ERBB4: variants seen among roughly 807,000 people sequenced by gnomAD.
ERBB4 encodes receptor tyrosine-protein kinase erbB-4.
Under a neutral mutation model 158.0 loss-of-function variants are expected in ERBB4, and 42 were observed. The ratio of observed to expected loss-of-function variants is 0.27; its 90% CI spans 0.21 to 0.34. The LOEUF (loss-of-function observed/expected upper bound fraction) is 0.34. Among genes scored for constraint, ERBB4 ranks in the 10% least tolerant of loss-of-function variants. The probability of loss-of-function intolerance (pLI) is 1.00; values close to 1 mark genes in which losing one functional copy is unlikely to be tolerated. For synonymous variants in ERBB4, 583 were observed against 558.7 expected, an observed-to-expected ratio of 1.04 and a Z score of -0.61; for missense variants, 1,333 against 1,624.1, an observed-to-expected ratio of 0.82 and a Z score of 3.08.
rs1009174172 is a variant in ERBB4, at chr2:211,468,484, C to T, written c.2488-37384G>A. On this transcript the variant is annotated intron_variant, in intron 20 of 27. Coordinates refer to ENST00000342788, the MANE Select transcript of ERBB4 (RefSeq NM_005235.3). ...AGGGCTGTTTGATAGAGAACAGCACCGTGCTTATAGGAAACCTATATAAAA... is the reference window on the plus strand; with the variant it reads ...AGGGCTGTTTGATAGAGAACAGCACTGTGCTTATAGGAAACCTATATAAAA... 3.9e-5 allele frequency among the ~76,000 whole-genome samples: 6 copies of T among 151,964 alleles called. No homozygotes were observed. In the East Asian group the frequency reaches 5.8e-4, roughly 15 times the overall value.
intron 1 of ERBB4, among the ~76,000 whole-genome samples, chr2:212,254,612 C>T (rs914893089): frequency 2.8e-4 from 42 of 152,050 alleles, no homozygotes; most frequent in African/African-American, 9.7e-4. Context: ...ACACCATTCC[C>T]CACGAATCCG....
intron 4 of ERBB4, among the ~76,000 whole-genome samples, chr2:211,765,975 G>C (rs2075540927): frequency 6.6e-6 from 1 of 152,150 alleles, no homozygotes; most frequent in Non-Finnish European, 1.5e-5. Context: ...AGCACAGAAA[G>C]GTAGGAGAAT....
intron 3 of ERBB4, among the ~76,000 whole-genome samples, chr2:211,836,728 T>A (rs1464650994): frequency 6.6e-6 from 1 of 152,036 alleles, no homozygotes; most frequent in Non-Finnish European, 1.5e-5. Flanking sequence ...CAGTTTCAGG[T>A]CTGCTGTGTT....
chr2:211,630,622 AT>A (rs772558885), intron 16 of ERBB4, 28 bp from the exon 17 acceptor site: 3 of 1,586,104 alleles, frequency 1.9e-6, no homozygotes, highest in Non-Finnish European at 2.6e-6. Flanking sequence ...AAAAAAAAAA[AT>A]AAAAAGTATG....
chr2:211,649,599 T>C (rs1341587335), intron 16 of ERBB4, among the ~76,000 whole-genome samples: 1 of 152,000 alleles, frequency 6.6e-6, no homozygotes, highest in Non-Finnish European at 1.5e-5. Context: ...ATGGTGTTTT[T>C]CCCTCAACAA....
intron 1 of ERBB4, among the ~76,000 whole-genome samples, chr2:212,227,824 T>C (rs1043199358): frequency 7.0e-6 from 1 of 142,660 alleles, no homozygotes; most frequent in Non-Finnish European, 1.5e-5. Flanking sequence ...CTGTCCAGTA[T>C]AAAAAAAAAA....
chr2:212,294,765 C>T (rs2086348413), intron 1 of ERBB4, among the ~76,000 whole-genome samples: 2 of 151,950 alleles, frequency 1.3e-5, no homozygotes, highest in South Asian at 4.1e-4. Flanking sequence ...ATACTATAAC[C>T]AAATTTTAAA....
intron 4 of ERBB4, among the ~76,000 whole-genome samples, chr2:211,772,759 C>T (rs2075724974): frequency 7.2e-6 from 1 of 137,950 alleles, no homozygotes; most frequent in Non-Finnish European, 1.5e-5. Context: ...GATCCTCCTA[C>T]CTCTGACTCT....
chr2:211,653,890 T>G (rs7564513), intron 16 of ERBB4, among the ~76,000 whole-genome samples: 5,533 of 151,994 alleles, frequency 0.036, 334 homozygotes, highest in African/African-American at 0.12. Context: ...TAGCCAGGCT[T>G]GTCTCGTTCG....
At chr2:211,676,336 T>A (rs1192504166) in intron 13 of ERBB4, among the ~76,000 whole-genome samples, 1 of 152,170 alleles carries the variant, frequency 6.6e-6, no homozygotes, top group Non-Finnish European at 1.5e-5. Context: ...AAAAACTAAG[T>A]TAATTTAACA....
At chr2:212,070,237 C>A (rs1052853280) in intron 2 of ERBB4, among the ~76,000 whole-genome samples, 1 of 151,776 alleles carries the variant, frequency 6.6e-6, no homozygotes, top group African/African-American at 2.4e-5. Context: ...CTTATTTTCC[C>A]AAATTAAAGG....
At chr2:212,238,057 G>A (rs1277007927) in intron 1 of ERBB4, among the ~76,000 whole-genome samples, 1 of 152,158 alleles carries the variant, frequency 6.6e-6, no homozygotes, top group Non-Finnish European at 1.5e-5. Context: ...TTAACTCCTG[G>A]GCTTCCGCCG....
chr2:211,676,686 T>C (rs2072087630), intron 13 of ERBB4, among the ~76,000 whole-genome samples: 1 of 152,218 alleles, frequency 6.6e-6, no homozygotes, highest in Non-Finnish European at 1.5e-5. Context: ...TCCCTATATT[T>C]ATAAGATGCT....
At chr2:212,293,968 T>G (rs892482569) in intron 1 of ERBB4, among the ~76,000 whole-genome samples, 1 of 151,888 alleles carries the variant, frequency 6.6e-6, no homozygotes, top group Non-Finnish European at 1.5e-5. Flanking sequence ...AACGAAGTAT[T>G]TTTCTATACC....
chr2:212,431,736 C>T (rs1338180986), intron 1 of ERBB4, among the ~76,000 whole-genome samples: 3 of 152,126 alleles, frequency 2.0e-5, no homozygotes, highest in East Asian at 1.9e-4. Context: ...TTAACTGTTT[C>T]CTTGAACTGT....
intron 1 of ERBB4, among the ~76,000 whole-genome samples, chr2:212,484,423 C>T (rs1689871213): frequency 6.6e-6 from 1 of 152,098 alleles, no homozygotes; most frequent in African/African-American, 2.4e-5. Flanking sequence ...GTAAGGTGAA[C>T]ATATAAGATT....
chr2:212,144,440 T>C (rs1048093557), intron 1 of ERBB4, among the ~76,000 whole-genome samples: 8 of 152,196 alleles, frequency 5.3e-5, no homozygotes, highest in African/African-American at 1.9e-4. Flanking sequence ...ACCATTCAAC[T>C]TACCCACAAC....
Position 211,796,946 on chromosome 2 carries a change from T to C in ERBB4, c.422-8787A>G, listed in dbSNP as rs375274648. On this transcript the variant is annotated intron_variant, in intron 3 of 27. Coordinates refer to ENST00000342788, the MANE Select transcript of ERBB4 (RefSeq NM_005235.3). The stretch of plus-strand genomic sequence containing the variant: ...ACACTTTAAAATGTCTTAGAAAAAA[T>C]TAAAACTACATTAATAATTATAAAG... Among the ~76,000 whole-genome samples, 49 of 151,958 alleles carry C rather than the reference T, an allele frequency of 3.2e-4. No individual in the cohort carries two copies. The East Asian group carries it at 5.2e-3, about 16-fold the overall frequency.
At chr2:211,795,705 G>C (rs1465236919) in intron 3 of ERBB4, among the ~76,000 whole-genome samples, 1 of 151,578 alleles carries the variant, frequency 6.6e-6, no homozygotes, top group East Asian at 1.9e-4. Flanking sequence ...AAGAACAGAG[G>C]AAGAGTACAT....
Sources: gnomAD v4.1 joint callset for allele counts (sites outside exome capture counted in the v4.1 genomes callset) on GRCh38, gnomAD v4.1.1 for gene constraint, MANE v1.5 for transcripts, NCBI Gene and HGNC (gene_info 2026-07-23, HGNC 2026-07-21) for gene names.